PRKCA: variants seen among roughly 807,000 people sequenced by gnomAD.
The protein encoded by PRKCA is protein kinase C alpha type.
PRKCA carries 27 observed loss-of-function variants against 87.0 expected under a neutral mutation model. That is an observed-to-expected ratio of 0.31 (90% CI 0.23 to 0.43). The LOEUF (loss-of-function observed/expected upper bound fraction) is 0.43, where lower values mean the gene tolerates loss of function less well. PRKCA is among the 20% of genes least tolerant of loss of function. PRKCA has a pLI of 1.00. For synonymous variants in PRKCA, 329 were observed against 311.1 expected, an observed-to-expected ratio of 1.06 and a Z score of -0.61; for missense variants, 518 against 852.3, an observed-to-expected ratio of 0.61 and a Z score of 4.88.
chr17:66,315,480 CT>C (rs58393155), intron 2 of PRKCA, among the ~76,000 whole-genome samples: 80,720 of 139,560 alleles, frequency 0.58, 23,492 homozygotes, highest in Middle Eastern at 0.7. Flanking sequence ...AGTGTTTTTT[CT>C]TTTTTTTTTT....
chr17:66,371,731 C>T (rs1423333504), intron 2 of PRKCA, among the ~76,000 whole-genome samples: 1 of 152,146 alleles, frequency 6.6e-6, no homozygotes, highest in Non-Finnish European at 1.5e-5. Flanking sequence ...TTTTTAAAGG[C>T]CACTAGGTGA....
chr17:66,795,358 A>G (rs529991436), intron 16 of PRKCA, among the ~76,000 whole-genome samples: 2 of 152,308 alleles, frequency 1.3e-5, no homozygotes, highest in East Asian at 1.9e-4. Flanking sequence ...AATGATGCCA[A>G]TTAAAATTGA....
intron 2 of PRKCA, among the ~76,000 whole-genome samples, chr17:66,463,541 A>T (rs1450039361): frequency 6.6e-6 from 1 of 151,968 alleles, no homozygotes; most frequent in Non-Finnish European, 1.5e-5. Flanking sequence ...GATTACAGGC[A>T]TGTGCCACCA....
intron 3 of PRKCA, among the ~76,000 whole-genome samples, chr17:66,574,859 A>C (rs577238506): frequency 2.0e-5 from 3 of 152,234 alleles, no homozygotes; most frequent in Non-Finnish European, 2.9e-5. Context: ...TAAGAGATTA[A>C]CAACAATAAT....
intron 16 of PRKCA, among the ~76,000 whole-genome samples, chr17:66,800,217 C>A (rs1036383255): frequency 1.3e-5 from 2 of 152,192 alleles, no homozygotes; most frequent in African/African-American, 4.8e-5. Context: ...TCTTTGAGTT[C>A]AGGGAAAATT....
intron 3 of PRKCA, among the ~76,000 whole-genome samples, chr17:66,634,336 T>A (rs888211987): frequency 2.0e-5 from 3 of 152,194 alleles, no homozygotes; most frequent in African/African-American, 7.2e-5. Flanking sequence ...TGAGCTGTAT[T>A]TTTCCCTCTT....
At chr17:66,536,086 C>T (rs1598748754) in intron 3 of PRKCA, among the ~76,000 whole-genome samples, 1 of 152,222 alleles carries the variant, frequency 6.6e-6, no homozygotes, top group South Asian at 2.1e-4. Context: ...ACTAATTGCT[C>T]TATTTTTATT....
At chr17:66,638,074 T>G (rs1293726025) in intron 3 of PRKCA, among the ~76,000 whole-genome samples, 1 of 152,130 alleles carries the variant, frequency 6.6e-6, no homozygotes, top group Non-Finnish European at 1.5e-5. Flanking sequence ...CAATAAAATT[T>G]TATTTACAAA....
Position 66,659,768 on chromosome 17 carries a change from TTATCACAC to T in PRKCA, c.529+14259_529+14266del, listed in dbSNP as rs1484845909. On this transcript the variant is annotated intron_variant, in intron 5 of 16. Transcript: ENST00000413366. ...AAAAAAGAAGTCACTAATGTGATTGTTATCACACTGTGCTGGGGTCCGTGCACCCCATG... is the reference window on the plus strand; with the variant it reads ...AAAAAAGAAGTCACTAATGTGATTGTTGTGCTGGGGTCCGTGCACCCCATG... Among the ~76,000 whole-genome samples, 12 of 152,264 alleles carry T rather than the reference TTATCACAC, an allele frequency of 7.9e-5. 1 individual carries two copies. The highest frequency in any genetic ancestry group is 2.9e-4 in the African/African-American group (12 of 41,548).
intron 3 of PRKCA, among the ~76,000 whole-genome samples, chr17:66,585,329 G>A (rs1338400767): frequency 2.6e-5 from 4 of 152,126 alleles, no homozygotes; most frequent in African/African-American, 2.4e-5. Flanking sequence ...TTTCCTATCC[G>A]CAGAGCTGCC....
chr17:66,446,092 G>A (rs1914021259), intron 2 of PRKCA, among the ~76,000 whole-genome samples: 2 of 152,200 alleles, frequency 1.3e-5, no homozygotes, highest in Non-Finnish European at 2.9e-5. Flanking sequence ...GGGATTACAG[G>A]CTTGATTCCA....
At position 66,759,126 on chromosome 17, in the gene PRKCA, G is replaced by A. The variant is rs538089059; in HGVS notation, c.1525-14861G>A. Among the ~76,000 whole-genome samples the A allele has an allele frequency of 5.8e-4, 88 of 152,026 alleles. 1 individual carries two copies. Among genetic ancestry groups the A allele is most frequent in the African/African-American group, 1.9e-3 (80 of 41,460 alleles). On this transcript the variant is annotated intron_variant, in intron 13 of 16. Transcript: ENST00000413366. ...TCCTAGCACTTTGGGAGGCCGAGGCGGGCGGATTACAAGGTCAGGAGATTG... is the reference window on the plus strand; with the variant it reads ...TCCTAGCACTTTGGGAGGCCGAGGCAGGCGGATTACAAGGTCAGGAGATTG...
At chr17:66,573,065 G>A (rs1400652656) in intron 3 of PRKCA, among the ~76,000 whole-genome samples, 1 of 152,096 alleles carries the variant, frequency 6.6e-6, no homozygotes, top group Non-Finnish European at 1.5e-5. Context: ...AGAGGAACTT[G>A]TTAATGAATC....
At chr17:66,468,740 C>A (rs533352274) in intron 2 of PRKCA, among the ~76,000 whole-genome samples, 27 of 152,062 alleles carry the variant, frequency 1.8e-4, no homozygotes, top group African/African-American at 6.3e-4. Flanking sequence ...GTGGGAGGGG[C>A]GAGAGCTAAC....
chr17:66,694,480 CAAAAAAAAAAAAAA>C (rs57941055), intron 8 of PRKCA, among the ~76,000 whole-genome samples: 4 of 35,220 alleles, frequency 1.1e-4, no homozygotes, highest in East Asian at 1.5e-3. Context: ...GACTCTGTCT[CAAAAAAAAAAAAAA>C]AAAAAAAAAA....
chr17:66,415,677 A>G (rs1300417662), intron 2 of PRKCA: 2 of 152,148 alleles, frequency 1.3e-5, no homozygotes, highest in Non-Finnish European at 2.9e-5. Flanking sequence ...AAAAAGTGGT[A>G]AGCTTTCTAG....
intron 2 of PRKCA, among the ~76,000 whole-genome samples, chr17:66,324,188 A>G (rs1162247221): frequency 1.3e-5 from 2 of 152,196 alleles, no homozygotes; most frequent in Non-Finnish European, 2.9e-5. Flanking sequence ...AGAACTTCAC[A>G]TAAACATTGA....
At chr17:66,654,083 C>A (rs887356757) in intron 5 of PRKCA, among the ~76,000 whole-genome samples, 2 of 152,132 alleles carry the variant, frequency 1.3e-5, no homozygotes, top group Non-Finnish European at 2.9e-5. Context: ...ATGAGTGGGG[C>A]GTTCAGTGTT....
chr17:66,485,210 A>G (rs1915943603), intron 2 of PRKCA, among the ~76,000 whole-genome samples: 1 of 152,212 alleles, frequency 6.6e-6, no homozygotes, highest in Non-Finnish European at 1.5e-5. Context: ...TGAATGAATA[A>G]AAGAATGAAC....
Sources: gnomAD v4.1 joint callset for allele counts (sites outside exome capture counted in the v4.1 genomes callset) on GRCh38, gnomAD v4.1.1 for gene constraint, MANE v1.5 for transcripts, NCBI Gene and HGNC (gene_info 2026-07-23, HGNC 2026-07-21) for gene names.